Variants in RALGAPB observed in about 807,000 individuals in gnomAD.
RALGAPB encodes Ral GTPase activating protein non-catalytic subunit beta.
RALGAPB carries 25 observed loss-of-function variants against 161.1 expected under a neutral mutation model. The ratio of observed to expected loss-of-function variants is 0.16; its 90% CI spans 0.11 to 0.22. The LOEUF (loss-of-function observed/expected upper bound fraction) is 0.22, where lower values mean the gene tolerates loss of function less well. RALGAPB is among the 10% of genes least tolerant of loss of function. The pLI is 1.00. For missense variants in RALGAPB, 1,391 were observed against 1,815.2 expected (o/e 0.77, Z 4.25); for synonymous variants, 629 against 626.1 (o/e 1.00, Z -0.07).
In RALGAPB at chr20:38,493,018, A is replaced by G; in HGVS notation, c.275A>G (p.Asp92Gly). Residue 92 changes from aspartate to glycine, a missense_variant, in exon 3 of 30, where the codon GAC (aspartate) becomes GGC (glycine). Asp to Gly is a moderately conservative substitution (Grantham distance 94). This residue lies in a region of RALGAPB where 946 missense variants were observed against 1,257.2 expected (regional missense o/e 0.75). Coordinates refer to ENST00000262879, the MANE Select transcript of RALGAPB (RefSeq NM_020336.4). ...TVKYCVDVYT[D>G]WIMALVLPKD... ...AAATATTGCGTTGATGTATATACAG[A>G]CTGGATTATGGCTTTAGTGTTGCCA... 6.2e-7 allele frequency: 1 copy of G among 1,611,380 alleles called. No homozygotes were observed. The highest frequency in any genetic ancestry group is 8.5e-7 in the Non-Finnish European group (1 of 1,177,668).
chr20:38,505,681 A>G (rs2085740949), intron 5 of RALGAPB, among the ~76,000 whole-genome samples: 1 of 152,206 alleles, frequency 6.6e-6, no homozygotes, highest in African/African-American at 2.4e-5. Context: ...ATATAATCCT[A>G]TTGCATACTT....
At chr20:38,522,264 G>A (rs954095303) in intron 10 of RALGAPB, among the ~76,000 whole-genome samples, 3 of 152,226 alleles carry the variant, frequency 2.0e-5, no homozygotes, top group African/African-American at 7.2e-5. Flanking sequence ...GCCTATGTTA[G>A]AAAGTTGGTT....
intron 24 of RALGAPB, among the ~76,000 whole-genome samples, chr20:38,563,654 A>G (rs1044569219): frequency 6.6e-6 from 1 of 152,122 alleles, no homozygotes; most frequent in Admixed American, 6.6e-5. Flanking sequence ...CCCAGTGCAC[A>G]TTTTTCCTTT....
intron 5 of RALGAPB, among the ~76,000 whole-genome samples, chr20:38,507,685 G>C (rs376271456): frequency 1.3e-5 from 2 of 151,474 alleles, no homozygotes; most frequent in East Asian, 3.9e-4. Context: ...TGCCAGCGTT[G>C]TTTTTTTGTT....
At chr20:38,486,135 A>G (rs1472377939) in intron 1 of RALGAPB, among the ~76,000 whole-genome samples, 1 of 151,756 alleles carries the variant, frequency 6.6e-6, no homozygotes, top group African/African-American at 2.4e-5. Flanking sequence ...ATGCCCAGCT[A>G]ATTTTTGTAT....
At chr20:38,490,552 G>A (rs1221689055) in intron 2 of RALGAPB, among the ~76,000 whole-genome samples, 3 of 151,632 alleles carry the variant, frequency 2.0e-5, no homozygotes, top group African/African-American at 7.3e-5. Context: ...TGTTGGCCAG[G>A]CTGGAGTGCA....
Position 38,516,237 on chromosome 20 carries a change from C to A in RALGAPB, c.918C>A (p.Pro306=). 6.2e-7 allele frequency: 1 copy of A among 1,612,502 alleles called. No individual in the cohort carries two copies. The highest frequency in any genetic ancestry group is 8.5e-7 in the Non-Finnish European group (1 of 1,179,010). The change falls in exon 7 of 30, where the codon CCC becomes CCA. Residue 306 remains proline, a synonymous_variant. Transcript: ENST00000262879. The part of the protein sequence containing the change: ...LSNPAIISST[P]KFQEQFLNVS... The stretch of plus-strand genomic sequence containing the variant: ...ACCCAGCTATTATAAGCTCTACTCC[C>A]AAATTTCAGGAACAGTTCTTGAATG...
At chr20:38,528,732 G>T (rs1245708173) in intron 13 of RALGAPB, among the ~76,000 whole-genome samples, 2 of 151,874 alleles carry the variant, frequency 1.3e-5, no homozygotes, top group African/African-American at 4.8e-5. Flanking sequence ...CCAGGCTAGA[G>T]GGCAGTGGCA....
intron 19 of RALGAPB, chr20:38,546,711 A>G (rs1252618891): frequency 8.2e-6 from 3 of 364,722 alleles, no homozygotes; most frequent in African/African-American, 6.2e-5. Context: ...TATCTTTGTC[A>G]CTTTTTCTTC....
At chr20:38,516,912 A>G (rs2086143598) in intron 7 of RALGAPB, among the ~76,000 whole-genome samples, 1 of 152,240 alleles carries the variant, frequency 6.6e-6, no homozygotes, top group Admixed American at 6.5e-5. Context: ...AATATTTTCT[A>G]AAATATTTAT....
In RALGAPB at chr20:38,515,785, G is replaced by GCC. The variant is rs1391643020; in HGVS notation, c.873-406_873-405insCC. On this transcript the variant is annotated intron_variant, in intron 6 of 29. Transcript: ENST00000262879. ...GTTGCTCTGTTGCTCAGGCTGGAATGCATTGGCATGATCATAGCTCACTGC... is the reference window on the plus strand; with the variant it reads ...GTTGCTCTGTTGCTCAGGCTGGAATGCCCATTGGCATGATCATAGCTCACTGC... Among the ~76,000 whole-genome samples, 67 of 151,820 alleles carry GCC rather than the reference G, an allele frequency of 4.4e-4. 1 individual carries two copies. Among genetic ancestry groups the GCC allele is most frequent in the Admixed American group, 1.2e-3 (19 of 15,238 alleles).
intron 4 of RALGAPB, 33 bp from the exon 5 acceptor site, chr20:38,499,414 T>A (rs1318186880): frequency 6.5e-7 from 1 of 1,538,628 alleles, no homozygotes; most frequent in Non-Finnish European, 8.8e-7. Flanking sequence ...AAAAATAAGT[T>A]TGCCAAAGAT....
chr20:38,574,125 G>T, intron 28 of RALGAPB, 25 bp from the exon 29 acceptor site: 1 of 1,590,026 alleles, frequency 6.3e-7, no homozygotes, highest in South Asian at 1.1e-5. Context: ...TTGGGTGTCT[G>T]AGATAACAAT....
Position 38,499,492 on chromosome 20 carries a change from T to C in RALGAPB, c.599T>C (p.Phe200Ser), listed in dbSNP as rs145596161. Residue 200 changes from phenylalanine to serine, a missense_variant, in exon 5 of 30, where the codon TTT (phenylalanine) becomes TCT (serine). Phe to Ser is a radical substitution (Grantham distance 155, BLOSUM62 -2). Coordinates refer to ENST00000262879, the MANE Select transcript of RALGAPB (RefSeq NM_020336.4). The stretch of plus-strand genomic sequence containing the variant: ...GCAGAGAAGTTGATTGGTGTTCTCT[T>C]TGAGGTGTGGTTACTAGCTTGTACT... ...NLAEKLIGVL[F>S]EVWLLACTRC... 1 of 1,613,176 alleles carries C rather than the reference T, an allele frequency of 6.2e-7. No homozygotes were observed. Among genetic ancestry groups the C allele is most frequent in the Non-Finnish European group, 8.5e-7 (1 of 1,179,610 alleles).
intron 9 of RALGAPB, among the ~76,000 whole-genome samples, chr20:38,519,693 A>G (rs2086233362): frequency 6.6e-6 from 1 of 152,192 alleles, no homozygotes; most frequent in East Asian, 1.9e-4. Flanking sequence ...GAGATGATAA[A>G]GGCTGTTACA....
At chr20:38,548,915 A>G in intron 20 of RALGAPB, 120 bp downstream of exon 20, 1 of 795,010 alleles carries the variant, frequency 1.3e-6, no homozygotes, top group Admixed American at 2.3e-5. Flanking sequence ...ATTCTCAGTC[A>G]GTGGGTTCAT....
intron 5 of RALGAPB, among the ~76,000 whole-genome samples, chr20:38,502,003 A>G (rs945142037): frequency 1.3e-5 from 2 of 152,252 alleles, no homozygotes; most frequent in Admixed American, 6.5e-5. Flanking sequence ...AAACTTATGC[A>G]TACAAATGCT....
rs1179014017 is a variant in RALGAPB at position 38,517,544 on chromosome 20, C to T, written c.1090C>T (p.Pro364Ser). The change falls in exon 8 of 30, where the codon CCC (proline) becomes TCC (serine). Residue 364 changes from proline (P) to serine (S), a missense_variant. By Grantham distance (74) the Pro-to-Ser change is moderately conservative. Around this residue, in one of 3 missense-constraint regions of RALGAPB, gnomAD observed 946 missense variants for 1,257.2 expected, o/e 0.75. Coordinates refer to ENST00000262879, the MANE Select transcript of RALGAPB (RefSeq NM_020336.4). ...CCGATCAGACAGTGCTCCCCCAACA[C>T]CCGTGAATAGATTAAGTATGCCTCA... ...RPRSDSAPPT[P>S]VNRLSMPQSA... 1 of 1,612,954 alleles carries T rather than the reference C, an allele frequency of 6.2e-7. No homozygotes were observed. Among genetic ancestry groups the T allele is most frequent in the African/African-American group, 1.3e-5 (1 of 74,666 alleles).
chr20:38,558,554 G>C, intron 23 of RALGAPB, 101 bp downstream of exon 23: 1 of 1,155,286 alleles, frequency 8.7e-7, no homozygotes, highest in East Asian at 2.7e-5. Context: ...GTTTATTTGG[G>C]CCAGAGTTGA....
Sources: allele counts gnomAD v4.1 joint callset (sites outside exome capture counted in the v4.1 genomes callset), GRCh38; gene constraint gnomAD v4.1.1; regional missense constraint gnomAD v4.1.1; transcripts MANE v1.5; gene names NCBI Gene and HGNC (gene_info 2026-07-23, HGNC 2026-07-21).